APOL4: variants seen among roughly 807,000 people sequenced by gnomAD.
The protein encoded by APOL4 is apolipoprotein L4.
In APOL4, 14 loss-of-function variants were observed where a neutral mutation model predicts 12.1. That is an observed-to-expected ratio of 1.16 (90% confidence interval 0.76 to 1.81). The LOEUF (loss-of-function observed/expected upper bound fraction) is 1.81, where lower values mean the gene tolerates loss of function less well. Ranked by LOEUF, APOL4 falls within the 40% of genes most tolerant of loss-of-function variation. APOL4 has a pLI of 0.00. For synonymous variants in APOL4, 171 were observed against 160.6 expected, an observed-to-expected ratio of 1.06 and a Z score of -0.49; for missense variants, 432 against 423.1, an observed-to-expected ratio of 1.02 and a Z score of -0.18.
At position 36,199,320 on chromosome 22, in the gene APOL4, A is replaced by C; in HGVS notation, c.82+10T>G. 6.2e-7 allele frequency: 1 copy of C among 1,614,126 alleles called. No homozygotes were observed. ...GAGCCTACCAGCAGCCAGGTCTCTG[A>C]AAGGCTTACCTTGGAACTGTCCAGC... is the stretch of plus-strand genomic sequence containing the variant. On this transcript the variant is annotated intron_variant, in intron 2 of 3. Transcript: ENST00000683024.
chr22:36,199,372 G>A lies in APOL4; in HGVS notation c.40C>T (p.Gln14Ter), dbSNP rs2014503069. 1.2e-6 allele frequency: 2 copies of A among 1,613,952 alleles called. No homozygotes were observed. The highest frequency in any genetic ancestry group is 1.7e-5 in the Admixed American group (1 of 60,012). Residue 14 changes from glutamine to a stop codon, truncating the protein, a stop_gained, in exon 2 of 4, where the codon CAG becomes TAG. Transcript: ENST00000683024. LOFTEE classifies it high-confidence loss of function. The stretch of plus-strand genomic sequence containing the variant: ...ACTGTCCAGCCTGGATGGTTTTGCT[G>A]CACCCTTGAGGAAGAGAAAACAAAT... The part of the protein sequence containing the change: ...WVQLITSVGV[Q>*]QNHPGWTVAG...
At chr22:36,204,509 T>C (rs779420659), upstream of APOL4, 5 of 213,220 alleles carry the variant, frequency 2.3e-5, no homozygotes, top group East Asian at 9.6e-5. Context: ...CTTTCCTGTC[T>C]GATCTGAACG....
At chr22:36,191,974 A>T in intron 3 of APOL4, 62 bp from the exon 4 acceptor site, 1 of 1,328,540 alleles carries the variant, frequency 7.5e-7, no homozygotes, top group South Asian at 1.4e-5. Flanking sequence ...AATGAGCTCA[A>T]TAAGATCTAT....
upstream of APOL4, among the ~76,000 whole-genome samples, chr22:36,202,300 C>T (rs1366528514): frequency 6.6e-6 from 1 of 152,172 alleles, no homozygotes; most frequent in Non-Finnish European, 1.5e-5. Context: ...TTCATAGAGA[C>T]AGCATCTCCT....
At chr22:36,199,108 G>C (rs776984975) in intron 2 of APOL4, among the ~76,000 whole-genome samples, 1 of 152,250 alleles carries the variant, frequency 6.6e-6, no homozygotes, top group Non-Finnish European at 1.5e-5. Context: ...GCCATGACCC[G>C]CTGAGGAGAG....
At chr22:36,200,790 T>C (rs1158197766) in intron 1 of APOL4, among the ~76,000 whole-genome samples, 2 of 152,248 alleles carry the variant, frequency 1.3e-5, no homozygotes. Context: ...CTTTCAGTCT[T>C]ACTGGCTCTC....
intron 2 of APOL4, among the ~76,000 whole-genome samples, chr22:36,198,248 G>A (rs1403284642): frequency 1.3e-5 from 2 of 152,182 alleles, no homozygotes; most frequent in Non-Finnish European, 2.9e-5. Context: ...CCTGCATTCA[G>A]AGACCTCCCT....
At position 36,195,364 on chromosome 22, in the gene APOL4, C is replaced by G. The variant is rs766093405; in HGVS notation, c.156G>C (p.Leu52=). The stretch of plus-strand genomic sequence containing the variant: ...TCTTCCAGGCTTCATCGCTAGTCAG[C>G]AGGATTTTCAGATGCACTGGGCTAA... ...KKVSPVHLKI[L]LTSDEAWKRF... The change falls in exon 3 of 4, where the codon CTG becomes CTC. Residue 52 remains leucine, a synonymous_variant. Coordinates refer to ENST00000683024, the MANE Select transcript of APOL4 (RefSeq NM_001386885.1). 1 of 1,613,866 alleles carries G rather than the reference C, an allele frequency of 6.2e-7. No individual in the cohort carries two copies. Among genetic ancestry groups the G allele is most frequent in the Non-Finnish European group, 8.5e-7 (1 of 1,179,882 alleles).
In APOL4 at chr22:36,197,558, A is replaced by G. The variant is rs1400978346; in HGVS notation, c.82+1772T>C. 8 of 1,416,198 alleles carry G rather than the reference A, an allele frequency of 5.6e-6. No individual in the cohort carries two copies. The African/African-American group carries it at 1.2e-4, about 21-fold the overall frequency. The allele number at this position is 1,416,198 out of a possible 1,614,324, so 87.7% of individuals were successfully genotyped here. On this transcript the variant is annotated intron_variant, in intron 2 of 3. Transcript: ENST00000683024. The stretch of plus-strand genomic sequence containing the variant: ...GAAACATTCCCGGGCAAACAAAACC[A>G]ACCAGACCTTCAGAACAGCTGTAAC...
At chr22:36,196,328 T>C (rs961399019) in intron 2 of APOL4, among the ~76,000 whole-genome samples, 1 of 152,222 alleles carries the variant, frequency 6.6e-6, no homozygotes, top group African/African-American at 2.4e-5. Context: ...AATATACCTA[T>C]AGACCCTTAT....
At chr22:36,203,448 A>G (rs2014642314), upstream of APOL4, among the ~76,000 whole-genome samples, 1 of 152,244 alleles carries the variant, frequency 6.6e-6, no homozygotes, top group Non-Finnish European at 1.5e-5. Context: ...TTGTATGTAG[A>G]AGTACAGTAT....
rs2014224110 is a variant in APOL4 at position 36,190,944 on chromosome 22, A to T, written c.*131T>A. The T allele has an allele frequency of 1.1e-5, 9 of 825,302 alleles. 1 individual carries two copies. Among genetic ancestry groups the T allele is most frequent in the Non-Finnish European group, 1.7e-5 (9 of 542,286 alleles). The allele number at this position is 825,302 out of a possible 1,614,324, so 51.1% of individuals were successfully genotyped here. On this transcript the variant is annotated 3_prime_UTR_variant, in exon 4 of 4. Transcript: ENST00000683024. ...TTTAGAGATTGCGGTAAAGACAGGC[A>T]TAGGAAATTATAAAAGTATTAATTT...
In APOL4 at chr22:36,191,075, C is replaced by T. The variant is rs1184501601; in HGVS notation, c.1047G>A (p.Ter349=). 2.5e-6 allele frequency: 4 copies of T among 1,591,932 alleles called. No homozygotes were observed. The highest frequency in any genetic ancestry group is 3.4e-6 in the Non-Finnish European group (4 of 1,168,272). The stretch of plus-strand genomic sequence containing the variant: ...CCCTGACTTCCCGCAACAATTGGGC[C>T]TAGCCTGCTTTTAGACTCTGATGGA... ...THIHQSLKAG[*] Residue 349 remains the stop codon, a stop_retained_variant, in exon 4 of 4, where the codon TAG becomes TAA. Transcript: ENST00000683024.
At position 36,191,458 on chromosome 22, in the gene APOL4, T is replaced by G; in HGVS notation, c.664A>C (p.Ile222Leu). Reference protein sequence around the residue: ...LEALRDILRDITPNVLSFALD... With the variant: ...LEALRDILRDLTPNVLSFALD... Reference sequence around the variant, plus strand: ...GCAAAAGAAAGCACATTGGGTGTGATGTCACGCAGAATGTCCCTTAATGCC... The same window carrying G: ...GCAAAAGAAAGCACATTGGGTGTGAGGTCACGCAGAATGTCCCTTAATGCC... Residue 222 changes from isoleucine to leucine, a missense_variant, in exon 4 of 4, where the codon ATC becomes CTC. Ile to Leu is a conservative substitution (Grantham distance 5). Transcript: ENST00000683024. 6.2e-7 allele frequency: 1 copy of G among 1,614,088 alleles called. No individual in the cohort carries two copies. The highest frequency in any genetic ancestry group is 8.5e-7 in the Non-Finnish European group (1 of 1,179,904).
rs930352349 is a variant in APOL4, at chr22:36,191,854, C to T, written c.268G>A (p.Glu90Lys). The change falls in exon 4 of 4, where the codon GAG becomes AAG. Residue 90 changes from glutamate (E) to lysine (K), a missense_variant. Transcript: ENST00000683024. ...TCTTTTTGCTGCATGTCTTTGTCCT[C>T]AATAGCCACATATGGTGTAAGATTC... ...LKNLTPYVAI[E>K]DKDMQQKEQQ... The T allele has an allele frequency of 6.2e-7, 1 of 1,612,802 alleles. No individual in the cohort carries two copies. Among genetic ancestry groups the T allele is most frequent in the African/African-American group, 1.3e-5 (1 of 74,886 alleles).
In APOL4 at chr22:36,196,563, G is replaced by A. The variant is rs145010436; in HGVS notation, c.83-1126C>T. Among the ~76,000 whole-genome samples, 1,257 of 152,294 alleles carry A rather than the reference G, an allele frequency of 8.3e-3. 22 individuals are homozygous for A. The highest frequency in any genetic ancestry group is 0.029 in the African/African-American group (1,200 of 41,558). On this transcript the variant is annotated intron_variant, in intron 2 of 3. Coordinates refer to ENST00000683024, the MANE Select transcript of APOL4 (RefSeq NM_001386885.1). ...CATCTTAGTACACAGCAGGATTACT[G>A]CCCAGATGAGTTGCCCCAAAAATGT...
intron 2 of APOL4, among the ~76,000 whole-genome samples, chr22:36,196,819 C>A (rs892541287): frequency 2.0e-5 from 3 of 152,200 alleles, no homozygotes; most frequent in Non-Finnish European, 2.9e-5. Flanking sequence ...CGTTCCCTTG[C>A]CATTACTTTG....
At chr22:36,203,110 C>T (rs1015140582), upstream of APOL4, among the ~76,000 whole-genome samples, 2 of 152,214 alleles carry the variant, frequency 1.3e-5, no homozygotes, top group South Asian at 2.1e-4. Flanking sequence ...TTCTGCAATG[C>T]GACCTTCTCA....
chr22:36,200,370 G>A (rs1019710713), intron 1 of APOL4, among the ~76,000 whole-genome samples: 3 of 152,108 alleles, frequency 2.0e-5, no homozygotes, highest in Non-Finnish European at 4.4e-5. Flanking sequence ...CTCACACTCC[G>A]TGCTCAACTT....
Sources: allele counts gnomAD v4.1 joint callset (sites outside exome capture counted in the v4.1 genomes callset), GRCh38; gene constraint gnomAD v4.1.1; transcripts MANE v1.5; gene names NCBI Gene and HGNC (gene_info 2026-07-23, HGNC 2026-07-21).